The following STK32B variants were observed in gnomAD, a reference collection of about 807,000 sequenced individuals.
STK32B encodes serine/threonine kinase 32B, also known as serine/threonine-protein kinase 32B.
STK32B carries 43 observed loss-of-function variants against 52.6 expected under a neutral mutation model. The ratio of observed to expected loss-of-function variants is 0.82; its 90% confidence interval spans 0.64 to 1.05. STK32B has a LOEUF of 1.05. STK32B is among the 50% of genes least tolerant of loss of function. STK32B has a pLI of 0.00. For synonymous variants in STK32B, 238 were observed against 204.3 expected, an observed-to-expected ratio of 1.17 and a Z score of -1.41; for missense variants, 621 against 534.6, an observed-to-expected ratio of 1.16 and a Z score of -1.59.
At chr4:5,358,139 C>T (rs540482864) in intron 4 of STK32B, among the ~76,000 whole-genome samples, 30 of 152,234 alleles carry the variant, frequency 2.0e-4, no homozygotes, top group South Asian at 8.3e-4. Flanking sequence ...CCAATTTATT[C>T]CCTAAAGGGA....
chr4:5,312,653 A>G (rs1392062954), intron 3 of STK32B, among the ~76,000 whole-genome samples: 5 of 151,966 alleles, frequency 3.3e-5, no homozygotes, highest in Non-Finnish European at 7.4e-5. Context: ...TCCATGGTGT[A>G]TATGTGCCAC....
At position 5,283,255 on chromosome 4, in the gene STK32B, C is replaced by CT. The variant is rs929749479; in HGVS notation, c.261-47958dup. On this transcript the variant is annotated intron_variant, in intron 3 of 11. Coordinates refer to ENST00000282908, the MANE Select transcript of STK32B (RefSeq NM_018401.3). ...TTGTCACAAATGATAGGATTTCCTT[C>CT]TTTTTTTAAAAGGCTAAATAGTATT... 5.9e-5 allele frequency among the ~76,000 whole-genome samples: 9 copies of CT among 151,938 alleles called. No homozygotes were observed. In the East Asian group the frequency reaches 9.7e-4, roughly 16 times the overall value.
intron 3 of STK32B, among the ~76,000 whole-genome samples, chr4:5,199,222 T>A (rs1456171804): frequency 6.6e-6 from 1 of 152,138 alleles, no homozygotes; most frequent in African/African-American, 2.4e-5. Context: ...ACATGCACGG[T>A]GGTTGTTTGT....
At chr4:5,286,383 A>G (rs1209886345) in intron 3 of STK32B, among the ~76,000 whole-genome samples, 2 of 151,650 alleles carry the variant, frequency 1.3e-5, no homozygotes, top group African/African-American at 4.8e-5. Flanking sequence ...GAGTGTACAT[A>G]TTGAGTTTCA....
chr4:5,175,593 A>G (rs1360554527), intron 3 of STK32B, among the ~76,000 whole-genome samples: 1 of 152,232 alleles, frequency 6.6e-6, no homozygotes, highest in African/African-American at 2.4e-5. Flanking sequence ...CCTGGGTATC[A>G]GCAGCAGTGG....
chr4:5,368,828 T>C (rs1316302250), intron 4 of STK32B, among the ~76,000 whole-genome samples: 3 of 152,230 alleles, frequency 2.0e-5, no homozygotes, highest in Non-Finnish European at 4.4e-5. Flanking sequence ...TGCTTTCATA[T>C]GCTCCGCAGG....
At chr4:5,480,229 T>TCAAA (rs2109195530) in intron 11 of STK32B, among the ~76,000 whole-genome samples, 1 of 152,222 alleles carries the variant, frequency 6.6e-6, no homozygotes, top group South Asian at 2.1e-4. Flanking sequence ...ACAAAAAGAG[T>TCAAA]CAAACTCTGT....
chr4:5,296,318 G>A (rs530630409), intron 3 of STK32B, among the ~76,000 whole-genome samples: 1 of 152,270 alleles, frequency 6.6e-6, no homozygotes, highest in African/African-American at 2.4e-5. Context: ...GAATATCCTT[G>A]TTAATTTTCT....
chr4:5,139,934 G>A lies in STK32B; in HGVS notation c.82G>A (p.Ala28Thr). 2 of 1,614,150 alleles carry A rather than the reference G, an allele frequency of 1.2e-6. No homozygotes were observed. ...VNFDHFQILR[A>T]IGKGSFGKVC... ...CTTTGACCATTTTCAGATTCTGCGG[G>A]CCATTGGTAAAGGGAGTTTTGGAAA... is the stretch of plus-strand genomic sequence containing the variant. The change falls in exon 2 of 12, where the codon GCC becomes ACC. Residue 28 changes from alanine to threonine, a missense_variant. Ala to Thr is a moderately conservative substitution (Grantham distance 58). Transcript: ENST00000282908.
chr4:5,362,990 T>G (rs1734646733), intron 4 of STK32B, among the ~76,000 whole-genome samples: 1 of 152,214 alleles, frequency 6.6e-6, no homozygotes, highest in Non-Finnish European at 1.5e-5. Flanking sequence ...CTACCATGAC[T>G]TCACAGGAAA....
At chr4:5,304,333 G>T (rs188469531) in intron 3 of STK32B, among the ~76,000 whole-genome samples, 211 of 151,692 alleles carry the variant, frequency 1.4e-3, no homozygotes, top group African/African-American at 4.7e-3. Flanking sequence ...TTCCATCTGT[G>T]TCATCTATGA....
chr4:5,441,475 A>T (rs202061825), intron 6 of STK32B, among the ~76,000 whole-genome samples: 1 of 146,634 alleles, frequency 6.8e-6, no homozygotes, highest in Non-Finnish European at 1.5e-5. Flanking sequence ...TTTTTATTGC[A>T]TCTATTTGAT....
rs1716204256 is a variant in STK32B, at chr4:5,453,513, C to A, written c.667-3294C>A. Among the ~76,000 whole-genome samples, 1 of 152,086 alleles carries A rather than the reference C, an allele frequency of 6.6e-6. No individual in the cohort carries two copies. The highest frequency in any genetic ancestry group is 2.4e-5 in the African/African-American group (1 of 41,414). ...GAGGGATGAAGTGCCCCATCATTGT[C>A]CAGGGTCTTTGCACCTCCTTTTCAG... is the stretch of plus-strand genomic sequence containing the variant. On this transcript the variant is annotated intron_variant, in intron 7 of 11. Transcript: ENST00000282908. This position sits in a 1 kb window ranked among gnomAD's most constrained non-coding sequence, Gnocchi z 4.0.
At chr4:5,193,700 A>G (rs1721416352) in intron 3 of STK32B, among the ~76,000 whole-genome samples, 1 of 152,236 alleles carries the variant, frequency 6.6e-6, no homozygotes, top group Admixed American at 6.5e-5. Context: ...ATTTCCAGCC[A>G]CATATGTGAA....
chr4:5,370,001 G>A (rs1223966119), intron 4 of STK32B, among the ~76,000 whole-genome samples: 1 of 151,640 alleles, frequency 6.6e-6, no homozygotes, highest in South Asian at 2.1e-4. Flanking sequence ...TCAGCCTCCC[G>A]AGTAGCTGGG....
At position 5,399,129 on chromosome 4, in the gene STK32B, G is replaced by GACTT. The variant is rs1338603654; in HGVS notation, c.472+888_472+891dup. The stretch of plus-strand genomic sequence containing the variant: ...TCAATTGTGGCTGATGCCAACAGGA[G>GACTT]ACTTACAGCCTTCAAAACTAAATTC... On this transcript the variant is annotated intron_variant, in intron 5 of 11. Coordinates refer to ENST00000282908, the MANE Select transcript of STK32B (RefSeq NM_018401.3). This position sits in a 1 kb window ranked among gnomAD's most constrained non-coding sequence, Gnocchi z 5.4. Among the ~76,000 whole-genome samples, 1 of 152,230 alleles carries GACTT rather than the reference G, an allele frequency of 6.6e-6. No homozygotes were observed. Among genetic ancestry groups the GACTT allele is most frequent in the Non-Finnish European group, 1.5e-5 (1 of 68,050 alleles).
Position 5,359,344 on chromosome 4 carries a change from C to T in STK32B, c.434+27951C>T, listed in dbSNP as rs372326226. Among the ~76,000 whole-genome samples, 4 of 152,128 alleles carry T rather than the reference C, an allele frequency of 2.6e-5. No individual in the cohort carries two copies. In the South Asian group the frequency reaches 8.3e-4, roughly 32 times the overall value. On this transcript the variant is annotated intron_variant, in intron 4 of 11. Coordinates refer to ENST00000282908, the MANE Select transcript of STK32B (RefSeq NM_018401.3). ...TCATCTACCCATCCATCCACCCATC[C>T]ACCCATCCATCCACTCATCCAACCA... is the stretch of plus-strand genomic sequence containing the variant.
At chr4:5,435,183 C>T (rs1713947762) in intron 6 of STK32B, among the ~76,000 whole-genome samples, 1 of 152,228 alleles carries the variant, frequency 6.6e-6, no homozygotes, top group Non-Finnish European at 1.5e-5. Flanking sequence ...ATTCCCCTTA[C>T]CAAAACATTG....
intron 4 of STK32B, among the ~76,000 whole-genome samples, chr4:5,339,759 T>G (rs1732951927): frequency 6.6e-6 from 1 of 152,204 alleles, no homozygotes; most frequent in Non-Finnish European, 1.5e-5. Context: ...GACCTCGATT[T>G]TCTAATCTGA....
Sources: allele counts gnomAD v4.1 joint callset (sites outside exome capture counted in the v4.1 genomes callset), GRCh38; gene constraint gnomAD v4.1.1; non-coding constraint Gnocchi (gnomAD v3.1); transcripts MANE v1.5; gene names NCBI Gene and HGNC (gene_info 2026-07-23, HGNC 2026-07-21).